CYFIP1: variants seen among roughly 807,000 people sequenced by gnomAD.
The protein encoded by CYFIP1 is cytoplasmic FMR1-interacting protein 1.
In CYFIP1, 58 loss-of-function variants were observed where a neutral mutation model predicts 163.5. The ratio of observed to expected loss-of-function variants is 0.35; its 90% CI spans 0.29 to 0.44. The LOEUF (loss-of-function observed/expected upper bound fraction) is 0.44, where lower values mean the gene tolerates loss of function less well. Among genes scored for constraint, CYFIP1 ranks in the 20% least tolerant of loss-of-function variants. The probability of loss-of-function intolerance (pLI) is 1.00; values close to 1 mark genes in which losing one functional copy is unlikely to be tolerated. For synonymous variants in CYFIP1, 663 were observed against 660.7 expected (o/e 1.00, Z -0.05); for missense variants, 1,338 against 1,653.8 (o/e 0.81, Z 3.31).
chr15:22,974,719 G>GA (rs2140275605), intron 1 of CYFIP1, among the ~76,000 whole-genome samples: 2 of 152,294 alleles, frequency 1.3e-5, no homozygotes, highest in East Asian at 3.9e-4. Context: ...GACAGAGTGA[G>GA]ACCCTGTCTC....
intron 26 of CYFIP1, among the ~76,000 whole-genome samples, 188 bp downstream of exon 26, chr15:22,879,725 C>T (rs1320255894): frequency 6.6e-6 from 1 of 150,822 alleles, no homozygotes; most frequent in Non-Finnish European, 1.5e-5. Flanking sequence ...AACTACAGTA[C>T]ATTTTTGTTT....
chr15:22,940,040 C>T (rs114102518), intron 6 of CYFIP1, among the ~76,000 whole-genome samples: 1,560 of 152,264 alleles, frequency 0.01, 22 homozygotes, highest in African/African-American at 0.035. Context: ...TAGCTACACC[C>T]GTACGTGAGG....
intron 21 of CYFIP1, chr15:22,904,656 G>C (rs1309198977): frequency 6.6e-6 from 1 of 152,216 alleles, no homozygotes; most frequent in Non-Finnish European, 1.5e-5. Flanking sequence ...GATCTGACTT[G>C]TGTTCTATTT....
chr15:22,872,359 G>A (rs1362004486), intron 30 of CYFIP1, among the ~76,000 whole-genome samples: 2 of 151,538 alleles, frequency 1.3e-5, no homozygotes, highest in Non-Finnish European at 2.9e-5. Context: ...AGAATAGAAT[G>A]AGAAGGTCTA....
At chr15:22,951,136 G>C (rs542587039) in intron 1 of CYFIP1, among the ~76,000 whole-genome samples, 1 of 152,266 alleles carries the variant, frequency 6.6e-6, no homozygotes, top group East Asian at 1.9e-4. Context: ...AATCCCCAAT[G>C]GCGGCTGGAG....
chr15:22,904,394 G>A (rs143251543), intron 21 of CYFIP1: 43 of 217,694 alleles, frequency 2.0e-4, no homozygotes, highest in Non-Finnish European at 3.3e-4. Flanking sequence ...TCTGGAGCTC[G>A]CCCAGGCTGC....
intron 22 of CYFIP1, among the ~76,000 whole-genome samples, chr15:22,900,927 G>T (rs979317868): frequency 6.6e-6 from 1 of 151,872 alleles, no homozygotes; most frequent in African/African-American, 2.4e-5. Flanking sequence ...ACTCAGCTGG[G>T]CACGGTGGCT....
At chr15:22,930,842 T>C (rs2061514875) in intron 11 of CYFIP1, among the ~76,000 whole-genome samples, 1 of 152,150 alleles carries the variant, frequency 6.6e-6, no homozygotes, top group South Asian at 2.1e-4. Flanking sequence ...AATTCGTTAT[T>C]AAAGAAAGAA....
At chr15:22,965,036 TTGTGTGTGTG>T (rs56857768) in intron 1 of CYFIP1, among the ~76,000 whole-genome samples, 12,171 of 149,366 alleles carry the variant, frequency 0.081, 517 homozygotes, top group Middle Eastern at 0.097. Context: ...TAGTATTCCA[TTGTGTGTGTG>T]TGTGTGTGTG....
intron 21 of CYFIP1, among the ~76,000 whole-genome samples, chr15:22,907,888 G>A (rs1487451318): frequency 6.6e-6 from 1 of 152,156 alleles, no homozygotes; most frequent in Admixed American, 6.5e-5. Flanking sequence ...CCACGTTAAG[G>A]TCTTTCTGCC....
rs565721309 is a variant in CYFIP1, at chr15:22,927,617, C to G, written c.1233+289G>C. On this transcript the variant is annotated intron_variant, in intron 12 of 30. Transcript: ENST00000617928. The stretch of plus-strand genomic sequence containing the variant: ...GCTGTAGGGACTTATGTTTGCACCA[C>G]CGCACTCCAGCCTAAGCGACAGGGT... 4.6e-5 allele frequency among the ~76,000 whole-genome samples: 7 copies of G among 152,032 alleles called. No homozygotes were observed. In the East Asian group the frequency reaches 1.4e-3, roughly 29 times the overall value.
intron 13 of CYFIP1, 60 bp from the exon 14 acceptor site, chr15:22,918,918 C>A: frequency 7.3e-7 from 1 of 1,364,638 alleles, no homozygotes; most frequent in Non-Finnish European, 1.0e-6. Flanking sequence ...GCCTCCTCTG[C>A]CTGGCACATG....
upstream of CYFIP1, chr15:22,980,490 G>C (rs963969172): frequency 2.4e-4 from 36 of 151,966 alleles, no homozygotes; most frequent in Admixed American, 7.2e-4. Context: ...CCTCCTGGCG[G>C]GGCATCCCCG....
intron 22 of CYFIP1, among the ~76,000 whole-genome samples, chr15:22,895,998 C>A (rs559799033): frequency 2.4e-4 from 37 of 152,140 alleles, no homozygotes; most frequent in Non-Finnish European, 5.0e-4. Context: ...CGTATTAGGG[C>A]ACGCCCAGTG....
chr15:22,895,419 G>T (rs528589235), intron 22 of CYFIP1, among the ~76,000 whole-genome samples: 1 of 152,144 alleles, frequency 6.6e-6, no homozygotes, highest in South Asian at 2.1e-4. Flanking sequence ...CCAAAGTGCC[G>T]GTATTACAGG....
chr15:22,877,765 G>A (rs2059627265), intron 26 of CYFIP1, among the ~76,000 whole-genome samples: 1 of 152,192 alleles, frequency 6.6e-6, no homozygotes, highest in African/African-American at 2.4e-5. Flanking sequence ...ATGAAGGCCT[G>A]GGGCTGCTGC....
chr15:22,917,074 G>C lies in CYFIP1; in HGVS notation c.1675-444C>G, dbSNP rs1301789205. 2.0e-6 allele frequency: 3 copies of C among 1,490,774 alleles called. No homozygotes were observed. Among genetic ancestry groups the C allele is most frequent in the Admixed American group, 4.6e-5 (2 of 43,350 alleles). The allele number at this position is 1,490,774 out of a possible 1,614,324, so 92.3% of individuals were successfully genotyped here. A position where few individuals can be genotyped will look rare whatever the true frequency, so the allele number is the denominator to read the frequency against. ...AGGGAGAGGCAGGAGAGAGACGTTA[G>C]TCACTCGACACACACACCCCAGGCA... On this transcript the variant is annotated intron_variant, in intron 15 of 30. Coordinates refer to ENST00000617928, the MANE Select transcript of CYFIP1 (RefSeq NM_014608.6). This position sits in a 1 kb window ranked among gnomAD's most constrained non-coding sequence, Gnocchi z 4.2.
chr15:22,907,544 G>C (rs772509688), intron 21 of CYFIP1, among the ~76,000 whole-genome samples: 1 of 152,170 alleles, frequency 6.6e-6, no homozygotes, highest in Non-Finnish European at 1.5e-5. Flanking sequence ...TTGGGTGAAG[G>C]GGAGAAAGGA....
At position 22,868,363 on chromosome 15, in the gene CYFIP1, A is replaced by AAT. The variant is rs761174806; in HGVS notation, c.*1663_*1664dup. 1.0e-4 allele frequency: 11 copies of AAT among 108,926 alleles called. No homozygotes were observed. Among genetic ancestry groups the AAT allele is most frequent in the Admixed American group, 2.5e-4 (2 of 8,032 alleles). 6.7% of individuals were successfully genotyped at this position (108,926 alleles called of 1,614,324 possible). ...TCATTTGAACATGCATAGGTTAATA[A>AAT]ATAATAAATTCTTATTTAACATTTT... On this transcript the variant is annotated 3_prime_UTR_variant, in exon 31 of 31. Coordinates refer to ENST00000617928, the MANE Select transcript of CYFIP1 (RefSeq NM_014608.6).
Sources: allele counts gnomAD v4.1 joint callset (sites outside exome capture counted in the v4.1 genomes callset), GRCh38; gene constraint gnomAD v4.1.1; non-coding constraint Gnocchi (gnomAD v3.1); transcripts MANE v1.5; gene names NCBI Gene and HGNC (gene_info 2026-07-23, HGNC 2026-07-21).